Variants in TAFA1 observed in about 807,000 individuals in gnomAD.
TAFA1 encodes the protein TAFA chemokine like family member 1.
Under a neutral mutation model 18.5 loss-of-function variants are expected in TAFA1, and 4 were observed. The ratio of observed to expected loss-of-function variants is 0.22; its 90% confidence interval spans 0.11 to 0.49. The LOEUF (loss-of-function observed/expected upper bound fraction) is 0.49, where lower values mean the gene tolerates loss of function less well. TAFA1 is among the 20% of genes least tolerant of loss of function. TAFA1 has a pLI of 0.98. For missense variants in TAFA1, 147 were observed against 169.0 expected (o/e 0.87, Z 0.72); for synonymous variants, 56 against 55.2 (o/e 1.01, Z -0.06).
intron 3 of TAFA1, among the ~76,000 whole-genome samples, chr3:68,461,358 T>A (rs2071774537): frequency 1.2e-5 from 1 of 86,638 alleles, no homozygotes; most frequent in East Asian, 3.1e-4. Context: ...CCAATGAAAG[T>A]GCATATATAT....
intron 4 of TAFA1, among the ~76,000 whole-genome samples, chr3:68,541,594 AAAAC>A (rs749158765): frequency 2.0e-5 from 3 of 152,252 alleles, no homozygotes; most frequent in East Asian, 1.9e-4. Context: ...GGTAAAAAAA[AAAAC>A]AAAGAAATTT....
intron 2 of TAFA1, among the ~76,000 whole-genome samples, chr3:68,031,679 G>A (rs1400104157): frequency 6.6e-6 from 1 of 152,108 alleles, no homozygotes; most frequent in Non-Finnish European, 1.5e-5. Context: ...TAAAAAGGAT[G>A]ATTAATACAT....
At chr3:68,259,142 C>T (rs1050922558) in intron 2 of TAFA1, among the ~76,000 whole-genome samples, 5 of 152,136 alleles carry the variant, frequency 3.3e-5, no homozygotes, top group African/African-American at 9.7e-5. Flanking sequence ...CACTGTGGGT[C>T]TTTGGGACTG....
intron 2 of TAFA1, among the ~76,000 whole-genome samples, chr3:68,350,867 C>T (rs1343336830): frequency 6.6e-6 from 1 of 152,078 alleles, no homozygotes; most frequent in Admixed American, 6.6e-5. Flanking sequence ...GAAATGAGGG[C>T]ATTGCTAAAA....
At chr3:68,404,551 G>A (rs1248857444) in intron 2 of TAFA1, among the ~76,000 whole-genome samples, 2 of 152,254 alleles carry the variant, frequency 1.3e-5, no homozygotes, top group African/African-American at 4.8e-5. Context: ...TATAATCTCA[G>A]CACTTTGGGA....
intron 2 of TAFA1, among the ~76,000 whole-genome samples, chr3:68,138,816 T>A (rs977855864): frequency 6.6e-6 from 1 of 152,176 alleles, no homozygotes; most frequent in Non-Finnish European, 1.5e-5. Flanking sequence ...CTCTTGATAG[T>A]TGGTTTTCAT....
intron 3 of TAFA1, among the ~76,000 whole-genome samples, chr3:68,534,910 A>C (rs1559709675): frequency 6.6e-6 from 1 of 151,930 alleles, no homozygotes; most frequent in African/African-American, 2.4e-5. Context: ...CAAAAAGCTG[A>C]CCCCACTGGC....
chr3:68,021,407 G>A (rs1425862823), intron 2 of TAFA1, among the ~76,000 whole-genome samples: 1 of 152,044 alleles, frequency 6.6e-6, no homozygotes, highest in South Asian at 2.1e-4. Flanking sequence ...AAATCTTACA[G>A]TGTGTATCCA....
At chr3:68,316,616 G>A (rs796392711) in intron 2 of TAFA1, among the ~76,000 whole-genome samples, 41 of 152,200 alleles carry the variant, frequency 2.7e-4, no homozygotes, top group African/African-American at 9.4e-4. Context: ...TTTATGAGCT[G>A]GTTTGAGTGA....
At chr3:68,112,596 C>T (rs2065274646) in intron 2 of TAFA1, among the ~76,000 whole-genome samples, 3 of 152,004 alleles carry the variant, frequency 2.0e-5, no homozygotes, top group African/African-American at 7.2e-5. Flanking sequence ...CTGCTATAAA[C>T]ATTATTTTTT....
Position 68,166,025 on chromosome 3 carries a change from T to G in TAFA1, c.118+159281T>G, listed in dbSNP as rs143255107. Among the ~76,000 whole-genome samples the G allele has an allele frequency of 5.1e-3, 772 of 152,238 alleles. 4 individuals are homozygous for G. Among genetic ancestry groups the G allele is most frequent in the Non-Finnish European group, 8.7e-3 (590 of 68,024 alleles). On this transcript the variant is annotated intron_variant, in intron 2 of 4. Transcript: ENST00000478136. ...CAACCTTGAACGGTCTATAGGAAAT[T>G]GAAAAGTGATGTGAGTAGACATAGC...
At chr3:68,455,736 A>G (rs537197000) in intron 3 of TAFA1, among the ~76,000 whole-genome samples, 1 of 152,172 alleles carries the variant, frequency 6.6e-6, no homozygotes, top group Non-Finnish European at 1.5e-5. Flanking sequence ...GTCATGTACA[A>G]TATCTGGATA....
intron 2 of TAFA1, among the ~76,000 whole-genome samples, chr3:68,175,744 G>T (rs1252619125): frequency 1.3e-5 from 2 of 152,128 alleles, no homozygotes; most frequent in East Asian, 3.9e-4. Context: ...AGTTAATTCT[G>T]AAATGAGTTA....
rs865975944 is a variant in TAFA1 at position 68,060,673 on chromosome 3, C to T, written c.118+53929C>T. Among the ~76,000 whole-genome samples the T allele has an allele frequency of 7.2e-5, 11 of 152,232 alleles. No individual in the cohort carries two copies. In the South Asian group the frequency reaches 1.0e-3, roughly 14 times the overall value. ...AATGTGGAGAAACTGGCCTCCATGT[C>T]TCTTGGGTCAGTCTCTGTTGAGCTG... On this transcript the variant is annotated intron_variant, in intron 2 of 4. Coordinates refer to ENST00000478136, the MANE Select transcript of TAFA1 (RefSeq NM_213609.4).
chr3:68,329,687 C>G (rs1020179209), intron 2 of TAFA1, among the ~76,000 whole-genome samples: 3 of 152,156 alleles, frequency 2.0e-5, no homozygotes, highest in Admixed American at 2.0e-4. Flanking sequence ...TCAATACTAG[C>G]TGCTGGTTAA....
intron 2 of TAFA1, among the ~76,000 whole-genome samples, chr3:68,174,104 A>G (rs2066093923): frequency 6.6e-6 from 1 of 152,348 alleles, no homozygotes; most frequent in Admixed American, 6.5e-5. Context: ...CCCATTCCAG[A>G]TCTACAGAAT....
intron 2 of TAFA1, among the ~76,000 whole-genome samples, chr3:68,081,306 C>G (rs1430474236): frequency 6.6e-6 from 1 of 152,142 alleles, no homozygotes; most frequent in African/African-American, 2.4e-5. Flanking sequence ...GCCTTCTTCT[C>G]TCAGCTCGTC....
chr3:68,445,442 T>C (rs1372705221), intron 3 of TAFA1, among the ~76,000 whole-genome samples: 1 of 152,192 alleles, frequency 6.6e-6, no homozygotes, highest in Non-Finnish European at 1.5e-5. Flanking sequence ...ATAAATGATT[T>C]ATGCAATGAA....
chr3:68,288,730 G>A (rs572737244), intron 2 of TAFA1, among the ~76,000 whole-genome samples: 1 of 152,148 alleles, frequency 6.6e-6, no homozygotes, highest in Admixed American at 6.5e-5. Flanking sequence ...AACTCCATCT[G>A]TATTAAATGC....
Sources: allele counts gnomAD v4.1 joint callset (sites outside exome capture counted in the v4.1 genomes callset), GRCh38; gene constraint gnomAD v4.1.1; transcripts MANE v1.5; gene names NCBI Gene and HGNC (gene_info 2026-07-23, HGNC 2026-07-21).